The following CSNK2A2IP variants were observed in gnomAD, a reference collection of about 807,000 sequenced individuals.
CSNK2A2IP encodes the protein casein kinase 2 subunit alpha' interacting protein.
the CSNK2A2IP span, among the ~76,000 whole-genome samples, chr3:88,425,762 T>C: frequency 6.6e-6 from 1 of 152,134 alleles, no homozygotes; most frequent in South Asian, 2.1e-4. Flanking sequence ...TTTGACGTAT[T>C]CCTTATGTCA....
At chr3:88,431,514 C>G in the CSNK2A2IP span, among the ~76,000 whole-genome samples, 1 of 152,054 alleles carries the variant, frequency 6.6e-6, no homozygotes, top group Non-Finnish European at 1.5e-5. Context: ...GTGTATACTA[C>G]CCAGCTGATG....
the CSNK2A2IP span, among the ~76,000 whole-genome samples, chr3:88,340,419 G>A: frequency 5.3e-5 from 8 of 151,998 alleles, no homozygotes; most frequent in South Asian, 8.3e-4. Context: ...TGAATTATTC[G>A]TAATGTATAT....
At chr3:88,454,789 G>A in the CSNK2A2IP span, among the ~76,000 whole-genome samples, 7 of 151,856 alleles carry the variant, frequency 4.6e-5, no homozygotes, top group African/African-American at 1.4e-4. Flanking sequence ...TATTTTGTGT[G>A]TGTGTGGTGA....
At chr3:88,400,826 C>T in the CSNK2A2IP span, among the ~76,000 whole-genome samples, 15 of 152,236 alleles carry the variant, frequency 9.9e-5, no homozygotes, top group African/African-American at 3.1e-4. Context: ...AAATTTGTGG[C>T]ACATTGTTAT....
chr3:88,432,211 A>G, the CSNK2A2IP span, among the ~76,000 whole-genome samples: 2 of 151,936 alleles, frequency 1.3e-5, no homozygotes, highest in African/African-American at 4.8e-5. Context: ...CTACCAGTTA[A>G]TATTTTCACA....
the CSNK2A2IP span, among the ~76,000 whole-genome samples, chr3:88,421,106 T>A: frequency 6.6e-6 from 1 of 152,166 alleles, no homozygotes; most frequent in Admixed American, 6.5e-5. Context: ...GTTTTCACCT[T>A]CTTTTTTAGC....
the CSNK2A2IP span, among the ~76,000 whole-genome samples, chr3:88,393,068 G>T: frequency 1.3e-5 from 2 of 152,164 alleles, no homozygotes; most frequent in Admixed American, 1.3e-4. Context: ...AATGGGTATA[G>T]CTGTATGTGA....
At chr3:88,439,547 T>C in the CSNK2A2IP span, among the ~76,000 whole-genome samples, 1 of 151,638 alleles carries the variant, frequency 6.6e-6, no homozygotes, top group South Asian at 2.1e-4. Flanking sequence ...ATGGAGACCA[T>C]CCTGGCCAAA....
the CSNK2A2IP span, among the ~76,000 whole-genome samples, chr3:88,381,030 G>A: frequency 1.3e-5 from 2 of 152,172 alleles, no homozygotes; most frequent in Non-Finnish European, 2.9e-5. Flanking sequence ...CTCCATGAAA[G>A]AGGTTACTTA....
the CSNK2A2IP span, among the ~76,000 whole-genome samples, chr3:88,381,902 A>G: frequency 6.6e-6 from 1 of 152,208 alleles, no homozygotes; most frequent in East Asian, 1.9e-4. Flanking sequence ...TTAAATATCC[A>G]CACCTTTTCA....
At chr3:88,355,333 T>C in the CSNK2A2IP span, among the ~76,000 whole-genome samples, 3 of 152,132 alleles carry the variant, frequency 2.0e-5, no homozygotes, top group Non-Finnish European at 2.9e-5. Context: ...GAGAGACTTA[T>C]GTATGTTCTG....
At chr3:88,383,625 C>G in the CSNK2A2IP span, among the ~76,000 whole-genome samples, 1 of 149,982 alleles carries the variant, frequency 6.7e-6, no homozygotes, top group Admixed American at 6.6e-5. Flanking sequence ...TTTTGAATAG[C>G]CTATGGACAC....
chr3:88,386,182 T>C, the CSNK2A2IP span, among the ~76,000 whole-genome samples: 2 of 152,184 alleles, frequency 1.3e-5, no homozygotes, highest in Admixed American at 6.5e-5. Flanking sequence ...TGGACTGCAA[T>C]GGCGTGATCT....
the CSNK2A2IP span, among the ~76,000 whole-genome samples, chr3:88,378,179 C>T: frequency 6.6e-6 from 1 of 151,870 alleles, no homozygotes; most frequent in Non-Finnish European, 1.5e-5. Flanking sequence ...TAACTTTCCC[C>T]CACTTTTACC....
At chr3:88,425,594 TCTAA>T in the CSNK2A2IP span, among the ~76,000 whole-genome samples, 3 of 152,122 alleles carry the variant, frequency 2.0e-5, no homozygotes, top group East Asian at 1.9e-4. Context: ...CTGCAATAAT[TCTAA>T]CTGTGTTAAA....
the CSNK2A2IP span, among the ~76,000 whole-genome samples, chr3:88,395,635 A>G: frequency 6.6e-6 from 1 of 152,206 alleles, no homozygotes; most frequent in Non-Finnish European, 1.5e-5. Context: ...ATACATTTCT[A>G]CAAAGAAAAG....
chr3:88,348,419 A>G, the CSNK2A2IP span, among the ~76,000 whole-genome samples: 1 of 152,056 alleles, frequency 6.6e-6, no homozygotes. Context: ...TGCCTATTCT[A>G]CTTAGACTTC....
the CSNK2A2IP span, among the ~76,000 whole-genome samples, chr3:88,462,114 CATATAT>C: frequency 4.4e-3 from 633 of 143,150 alleles, 4 homozygotes; most frequent in African/African-American, 0.015. Flanking sequence ...GAGTTTTTTT[CATATAT>C]ATATATATAT....
chr3:88,420,677 C>G, the CSNK2A2IP span, among the ~76,000 whole-genome samples: 13 of 152,034 alleles, frequency 8.6e-5, no homozygotes, highest in Non-Finnish European at 1.3e-4. Flanking sequence ...AAAGCAAGTT[C>G]AATCAACATT....
Sources: allele counts gnomAD v4.1 joint callset (sites outside exome capture counted in the v4.1 genomes callset), GRCh38; gene constraint gnomAD v4.1.1; transcripts MANE v1.5; gene names NCBI Gene and HGNC (gene_info 2026-07-23, HGNC 2026-07-21).